The following EDDM13 variants were observed in gnomAD, a reference collection of about 807,000 sequenced individuals.
EDDM13 encodes the protein epididymal protein 13.
A neutral mutation model predicts 17.8 loss-of-function variants in EDDM13; 24 were observed. That is an observed-to-expected ratio of 1.35 (90% CI 0.98 to 1.90). EDDM13 has a LOEUF of 1.90. Among genes scored for constraint, EDDM13 ranks in the 40% most tolerant of loss-of-function variants. EDDM13 has a pLI of 0.00. For missense variants in EDDM13, 97 were observed against 100.8 expected (o/e 0.96, Z 0.16); for synonymous variants, 31 against 37.5 (o/e 0.83, Z 0.63).
intron 1 of EDDM13, among the ~76,000 whole-genome samples, chr19:56,273,241 G>A (rs1201486893): frequency 6.6e-6 from 1 of 152,196 alleles, no homozygotes; most frequent in Non-Finnish European, 1.5e-5. Flanking sequence ...TGGGACTGTT[G>A]CATGTCATTG....
chr19:56,295,602 A>AAAAAC (rs563523883), intron 9 of EDDM13, among the ~76,000 whole-genome samples: 1 of 152,116 alleles, frequency 6.6e-6, no homozygotes. Context: ...CTAAAAAACA[A>AAAAAC]AAAACAAAAC....
intron 1 of EDDM13, among the ~76,000 whole-genome samples, chr19:56,273,871 G>A (rs892304400): frequency 2.0e-5 from 3 of 152,180 alleles, no homozygotes; most frequent in African/African-American, 7.2e-5. Flanking sequence ...GCGTGTGTGT[G>A]CATGTATGTG....
Position 56,288,375 on chromosome 19 carries a change from C to T in EDDM13, c.155-10C>T, listed in dbSNP as rs1316879627. On this transcript the variant is annotated splice_polypyrimidine_tract_variant and intron_variant, in intron 6 of 14. Coordinates refer to ENST00000649256, the MANE Select transcript of EDDM13 (RefSeq NM_001354658.2). ...TTTCTTCACCCAGCTAACCCCTGCT[C>T]ATCTTCCAGGTCTCAGACACAACAT... Among the ~76,000 whole-genome samples the T allele has an allele frequency of 2.6e-5, 4 of 152,226 alleles. No homozygotes were observed. Among genetic ancestry groups the T allele is most frequent in the East Asian group, 3.9e-4 (2 of 5,192 alleles).
intron 9 of EDDM13, among the ~76,000 whole-genome samples, chr19:56,294,559 G>A (rs2039733582): frequency 6.6e-6 from 1 of 152,094 alleles, no homozygotes; most frequent in Admixed American, 6.5e-5. Context: ...GGTGGTCTCT[G>A]CTGCCACTCA....
intron 6 of EDDM13, among the ~76,000 whole-genome samples, chr19:56,286,203 G>T (rs2039109079): frequency 6.6e-6 from 1 of 151,890 alleles, no homozygotes; most frequent in Non-Finnish European, 1.5e-5. Flanking sequence ...TGTATTATTA[G>T]TAGAGATGGG....
Position 56,303,029 on chromosome 19 carries a change from T to G in EDDM13, c.423+934T>G, listed in dbSNP as rs1600238608. The stretch of plus-strand genomic sequence containing the variant: ...GGCGCTTATCTCAGCCTAGGGGAAG[T>G]GTGGGCTCATGGAAGCCTTTCTGCA... On this transcript the variant is annotated intron_variant, in intron 13 of 14. Coordinates refer to ENST00000649256, the MANE Select transcript of EDDM13 (RefSeq NM_001354658.2). The G allele has an allele frequency of 1.8e-5, 7 of 395,884 alleles. No homozygotes were observed. In the East Asian group the frequency reaches 2.5e-4, roughly 14 times the overall value. The allele number at this position is 395,884 out of a possible 1,614,324, so 24.5% of individuals were successfully genotyped here. A position where few individuals can be genotyped will look rare whatever the true frequency, so the allele number is the denominator to read the frequency against.
At chr19:56,284,662 C>T (rs7254222) in intron 5 of EDDM13, among the ~76,000 whole-genome samples, 1,597 of 151,724 alleles carry the variant, frequency 0.011, 29 homozygotes, top group African/African-American at 0.037. Flanking sequence ...TTACAGGCAC[C>T]CACCACCATG....
At chr19:56,302,318 C>T (rs1432735547) in intron 13 of EDDM13, among the ~76,000 whole-genome samples, 1 of 145,466 alleles carries the variant, frequency 6.9e-6, no homozygotes, top group Non-Finnish European at 1.5e-5. Flanking sequence ...TTCTCCCTCC[C>T]TCCCTCCCCT....
intron 13 of EDDM13, 108 bp from the exon 14 acceptor site, chr19:56,304,685 G>A (rs1011970624): frequency 2.4e-5 from 14 of 592,440 alleles, no homozygotes; most frequent in South Asian, 2.2e-4. Flanking sequence ...GGGGGAGGAC[G>A]GGAAAGAAGC....
intron 4 of EDDM13, among the ~76,000 whole-genome samples, chr19:56,282,800 T>C (rs1053547135): frequency 2.6e-5 from 4 of 152,336 alleles, no homozygotes. Flanking sequence ...CTACCTGACA[T>C]CGATAATAAT....
At chr19:56,302,602 T>TCCTCCCTCCCTCCTCCTCC (rs1458822932) in intron 13 of EDDM13, among the ~76,000 whole-genome samples, 1 of 96,840 alleles carries the variant, frequency 1.0e-5, no homozygotes. Context: ...CTCTCCCTCT[T>TCCTCCCTCCCTCCTCCTCC]CTTCCTCTCC....
At chr19:56,286,640 T>A (rs968373994) in intron 6 of EDDM13, 2 of 152,242 alleles carry the variant, frequency 1.3e-5, no homozygotes, top group Non-Finnish European at 2.9e-5. Context: ...TTGTTCCCGC[T>A]GTTCGGTGGA....
chr19:56,294,512 A>G (rs2039729886), intron 9 of EDDM13, among the ~76,000 whole-genome samples: 1 of 152,196 alleles, frequency 6.6e-6, no homozygotes, highest in Admixed American at 6.5e-5. Context: ...TTTTCTGTAA[A>G]GCGCTAAATA....
chr19:56,281,357 T>TGTGA (rs3059531), intron 2 of EDDM13, among the ~76,000 whole-genome samples: 135,564 of 152,034 alleles, frequency 0.89, 60,969 homozygotes, highest in Middle Eastern at 0.94. Flanking sequence ...CAACGGTGTG[T>TGTGA]GTATGTACAC....
At chr19:56,302,655 CT>C (rs370140035) in intron 13 of EDDM13, among the ~76,000 whole-genome samples, 5,921 of 130,398 alleles carry the variant, frequency 0.045, 177 homozygotes, top group African/African-American at 0.066. Flanking sequence ...TCTTCCCCCC[CT>C]CCCTGTTCTT....
At chr19:56,277,394 A>C (rs180684256) in intron 2 of EDDM13, among the ~76,000 whole-genome samples, 62 of 152,340 alleles carry the variant, frequency 4.1e-4, no homozygotes, top group African/African-American at 1.4e-3. Context: ...ATCGTGTGTG[A>C]GCCTTGAAAA....
chr19:56,287,252 G>A (rs547342572), intron 6 of EDDM13, among the ~76,000 whole-genome samples: 60 of 152,276 alleles, frequency 3.9e-4, no homozygotes, highest in African/African-American at 1.3e-3. Flanking sequence ...ACTCTCCTCC[G>A]GGGGTTCCCC....
At chr19:56,288,334 T>C (rs1370143557) in intron 6 of EDDM13, among the ~76,000 whole-genome samples, 51 bp from the exon 7 acceptor site, 2 of 152,168 alleles carry the variant, frequency 1.3e-5, no homozygotes, top group African/African-American at 4.8e-5. Context: ...GACACTTTCC[T>C]GCCTCCTCTT....
At chr19:56,274,858 T>G (rs763248030) in intron 1 of EDDM13, 15 of 152,218 alleles carry the variant, frequency 9.9e-5, no homozygotes, top group Non-Finnish European at 1.9e-4. Flanking sequence ...GTCTTGTGAT[T>G]TGTCCTTAGG....
Sources: gnomAD v4.1 joint callset for allele counts (sites outside exome capture counted in the v4.1 genomes callset) on GRCh38, gnomAD v4.1.1 for gene constraint, MANE v1.5 for transcripts, NCBI Gene and HGNC (gene_info 2026-07-23, HGNC 2026-07-21) for gene names.